Variants in ZNF385D observed in about 807,000 individuals in gnomAD.
ZNF385D encodes zinc finger protein 385D.
A neutral mutation model predicts 35.8 loss-of-function variants in ZNF385D; 15 were observed. That is an observed-to-expected ratio of 0.42 (90% confidence interval 0.28 to 0.64). The LOEUF is 0.64. Ranked by LOEUF, ZNF385D falls within the 30% of genes least tolerant of loss-of-function variation. The probability of loss-of-function intolerance (pLI) is 0.23; values close to 1 mark genes in which losing one functional copy is unlikely to be tolerated. For synonymous variants in ZNF385D, 212 were observed against 186.8 expected, an observed-to-expected ratio of 1.13 and a Z score of -1.10; for missense variants, 474 against 494.6, an observed-to-expected ratio of 0.96 and a Z score of 0.39.
intron 3 of ZNF385D, among the ~76,000 whole-genome samples, chr3:22,081,028 C>T (rs1034741209): frequency 2.6e-5 from 4 of 152,146 alleles, no homozygotes; most frequent in African/African-American, 7.2e-5. Flanking sequence ...TGTCTATACA[C>T]ACATGCACAC....
chr3:21,542,345 C>CT (rs34925669), intron 3 of ZNF385D, among the ~76,000 whole-genome samples: 109,888 of 142,974 alleles, frequency 0.77, 42,159 homozygotes, highest in East Asian at 0.88. Context: ...TCTTCTCTTT[C>CT]TTTTTTTTTT....
intron 3 of ZNF385D, among the ~76,000 whole-genome samples, chr3:22,099,055 A>C (rs376328837): frequency 6.6e-6 from 1 of 152,100 alleles, no homozygotes; most frequent in South Asian, 2.1e-4. Flanking sequence ...GGAAGCAAAA[A>C]AAATCCAATC....
In ZNF385D at chr3:21,418,795, G is replaced by T. The variant is rs1002199796; in HGVS notation, c.*2419C>A. The T allele has an allele frequency of 6.6e-6, 1 of 152,152 alleles. No individual in the cohort carries two copies. Among genetic ancestry groups the T allele is most frequent in the Non-Finnish European group, 1.5e-5 (1 of 68,016 alleles). The allele number at this position is 152,152 out of a possible 1,614,324, so 9.4% of individuals were successfully genotyped here. A position where few individuals can be genotyped will look rare whatever the true frequency, so the allele number is the denominator to read the frequency against. ...AAAGTGAGGCTGTATCAGTTGTAAAGGTTGTTGGATAGGGACTCAGGATGA... is the reference window on the plus strand; with the variant it reads ...AAAGTGAGGCTGTATCAGTTGTAAATGTTGTTGGATAGGGACTCAGGATGA... On this transcript the variant is annotated 3_prime_UTR_variant, in exon 8 of 8. Coordinates refer to ENST00000281523, the MANE Select transcript of ZNF385D (RefSeq NM_024697.3).
At chr3:21,474,991 G>C (rs1167876623) in intron 4 of ZNF385D, among the ~76,000 whole-genome samples, 1 of 151,782 alleles carries the variant, frequency 6.6e-6, no homozygotes, top group East Asian at 1.9e-4. Flanking sequence ...GTTTTAATTT[G>C]CAGTTAAACC....
intron 2 of ZNF385D, among the ~76,000 whole-genome samples, chr3:22,277,614 G>A (rs1157428627): frequency 1.3e-5 from 2 of 152,066 alleles, no homozygotes; most frequent in Non-Finnish European, 2.9e-5. Flanking sequence ...AAGAAAGCAG[G>A]ATTCTCAGTC....
At chr3:22,102,999 T>C (rs1412705626) in intron 3 of ZNF385D, among the ~76,000 whole-genome samples, 2 of 150,284 alleles carry the variant, frequency 1.3e-5, no homozygotes, top group Non-Finnish European at 3.0e-5. Flanking sequence ...TTATATACTG[T>C]ATATATATAA....
intron 3 of ZNF385D, among the ~76,000 whole-genome samples, chr3:21,803,704 T>G (rs2072510911): frequency 6.6e-6 from 1 of 152,166 alleles, no homozygotes; most frequent in Non-Finnish European, 1.5e-5. Flanking sequence ...CAAAAGCATT[T>G]TTCTCAGTCT....
chr3:21,843,193 T>A (rs1489733845), intron 3 of ZNF385D, among the ~76,000 whole-genome samples: 1 of 151,992 alleles, frequency 6.6e-6, no homozygotes, highest in African/African-American at 2.4e-5. Context: ...TCTGAGCAGT[T>A]AGAAGATAGT....
chr3:21,704,087 T>C (rs1237096679), intron 1 of ZNF385D, among the ~76,000 whole-genome samples: 2 of 152,314 alleles, frequency 1.3e-5, no homozygotes, highest in Non-Finnish European at 2.9e-5. Context: ...AAAGCAATGC[T>C]CAATCATAAA....
intron 2 of ZNF385D, among the ~76,000 whole-genome samples, chr3:21,589,552 A>C (rs904995412): frequency 3.3e-5 from 5 of 152,226 alleles, no homozygotes; most frequent in Non-Finnish European, 5.9e-5. Context: ...AGCTTGCAAC[A>C]GCTTTGAAAC....
At chr3:21,623,721 T>C (rs567595406) in intron 2 of ZNF385D, among the ~76,000 whole-genome samples, 11 of 152,064 alleles carry the variant, frequency 7.2e-5, no homozygotes, top group Admixed American at 2.0e-4. Flanking sequence ...GTCCTTAAAA[T>C]ATCACTACAG....
intron 3 of ZNF385D, among the ~76,000 whole-genome samples, chr3:22,019,325 C>G (rs1394974915): frequency 6.6e-6 from 1 of 151,736 alleles, no homozygotes; most frequent in Non-Finnish European, 1.5e-5. Flanking sequence ...ATTTTTATCT[C>G]TATAAGCAGA....
At chr3:21,582,970 G>C (rs973007270) in intron 2 of ZNF385D, among the ~76,000 whole-genome samples, 1 of 152,064 alleles carries the variant, frequency 6.6e-6, no homozygotes, top group Non-Finnish European at 1.5e-5. Context: ...TAGAGACCGT[G>C]TTGGTCAGGC....
chr3:21,983,029 A>G (rs907051261), intron 3 of ZNF385D, among the ~76,000 whole-genome samples: 2 of 152,016 alleles, frequency 1.3e-5, no homozygotes, highest in Non-Finnish European at 2.9e-5. Flanking sequence ...GATGTTTATC[A>G]AGGATATTGG....
intron 3 of ZNF385D, among the ~76,000 whole-genome samples, chr3:22,153,120 T>TCC (rs1226185198): frequency 6.6e-6 from 1 of 152,162 alleles, no homozygotes; most frequent in African/African-American, 2.4e-5. Context: ...GTTATTGGGC[T>TCC]CCCTTCCTGA....
intron 3 of ZNF385D, chr3:21,563,431 G>A (rs1378868132): frequency 1.3e-5 from 2 of 152,128 alleles, no homozygotes; most frequent in Non-Finnish European, 2.9e-5. Flanking sequence ...TTAAGTCAAT[G>A]GATATTGTAA....
chr3:21,555,430 A>G (rs2062701425), intron 3 of ZNF385D, among the ~76,000 whole-genome samples: 1 of 151,778 alleles, frequency 6.6e-6, no homozygotes, highest in African/African-American at 2.4e-5. Flanking sequence ...ATGTGTTCTC[A>G]TTGTTCAGCT....
chr3:21,981,480 C>T (rs563444510), intron 3 of ZNF385D, among the ~76,000 whole-genome samples: 60 of 152,190 alleles, frequency 3.9e-4, no homozygotes, highest in Middle Eastern at 3.4e-3. Flanking sequence ...TTGTCAGATG[C>T]ATAGTTGGCA....
At chr3:21,867,964 T>C (rs988931931) in intron 3 of ZNF385D, among the ~76,000 whole-genome samples, 7 of 152,162 alleles carry the variant, frequency 4.6e-5, no homozygotes, top group Non-Finnish European at 7.4e-5. Flanking sequence ...GGCCACTATA[T>C]TGACCAGTAC....
Sources: gnomAD v4.1 joint callset for allele counts (sites outside exome capture counted in the v4.1 genomes callset) on GRCh38, gnomAD v4.1.1 for gene constraint, MANE v1.5 for transcripts, NCBI Gene and HGNC (gene_info 2026-07-23, HGNC 2026-07-21) for gene names.